Variants in ELAVL1 observed in about 807,000 individuals in gnomAD.
ELAVL1 encodes the protein ELAV-like protein 1.
ELAVL1 carries 1 observed loss-of-function variant against 28.4 expected under a neutral mutation model. That is an observed-to-expected ratio of 0.04 (90% confidence interval 0.01 to 0.17). The LOEUF is 0.17. ELAVL1 is among the 10% of genes least tolerant of loss of function. ELAVL1 has a pLI of 1.00. For synonymous variants in ELAVL1, 174 were observed against 183.5 expected (o/e 0.95, Z 0.42); for missense variants, 157 against 447.2 (o/e 0.35, Z 5.85).
In ELAVL1 at chr19:7,963,168, T is replaced by C. The variant is rs1253288508; in HGVS notation, c.*315A>G. On this transcript the variant is annotated 3_prime_UTR_variant, in exon 6 of 6. Coordinates refer to ENST00000407627, the MANE Select transcript of ELAVL1 (RefSeq NM_001419.3). The surrounding 1 kb of genome is among the most constrained non-coding windows in gnomAD (Gnocchi z 4.5). ...GAATGAAACGCGTGTTAGACAGTCT[T>C]AGAGGTTAAAGCATGCTTCAGGTTC... is the stretch of plus-strand genomic sequence containing the variant. 9.4e-6 allele frequency: 3 copies of C among 319,290 alleles called. No individual in the cohort carries two copies. The highest frequency in any genetic ancestry group is 1.8e-5 in the Non-Finnish European group (3 of 170,602). 19.8% of individuals were successfully genotyped at this position (319,290 alleles called of 1,614,324 possible).
Position 7,958,760 on chromosome 19 carries a change from C to T in ELAVL1, c.*4723G>A, listed in dbSNP as rs1599659867. The stretch of plus-strand genomic sequence containing the variant: ...CTTCAAAAATACGATTTTTTGAGAG[C>T]TTTGGAAACTGAATTAAAATGTCTA... On this transcript the variant is annotated 3_prime_UTR_variant, in exon 6 of 6. Transcript: ENST00000407627. 6.6e-6 allele frequency: 1 copy of T among 152,606 alleles called. No individual in the cohort carries two copies. The highest frequency in any genetic ancestry group is 2.1e-4 in the South Asian group (1 of 4,820). 9.5% of individuals were successfully genotyped at this position (152,606 alleles called of 1,614,324 possible).
chr19:8,002,077 G>A (rs1276592584), intron 1 of ELAVL1: 3 of 1,289,284 alleles, frequency 2.3e-6, no homozygotes, highest in Admixed American at 4.6e-5. Flanking sequence ...CAAGCCCTCT[G>A]CCCAGTGGAC....
At chr19:7,975,326 T>G (rs189440818) in intron 3 of ELAVL1, among the ~76,000 whole-genome samples, 4 of 152,320 alleles carry the variant, frequency 2.6e-5, no homozygotes, top group African/African-American at 9.6e-5. Context: ...TGACTGGACC[T>G]ACTGCCGTCC....
At chr19:8,003,488 C>T (rs1304780737) in intron 1 of ELAVL1, among the ~76,000 whole-genome samples, 1 of 150,968 alleles carries the variant, frequency 6.6e-6, no homozygotes, top group East Asian at 1.9e-4. Flanking sequence ...GTCAGGAGAT[C>T]GAGACCATCC....
intron 1 of ELAVL1, among the ~76,000 whole-genome samples, chr19:7,993,018 C>T (rs928889580): frequency 2.6e-5 from 4 of 152,168 alleles, no homozygotes; most frequent in African/African-American, 9.7e-5. Flanking sequence ...ATCCTTCCAT[C>T]TCACCCTCCC....
At chr19:7,976,867 T>A (rs1424398544) in intron 3 of ELAVL1, among the ~76,000 whole-genome samples, 3 of 151,918 alleles carry the variant, frequency 2.0e-5, no homozygotes, top group Non-Finnish European at 2.9e-5. Context: ...TTAGTTTTTT[T>A]TGTAGAGACA....
intron 2 of ELAVL1, among the ~76,000 whole-genome samples, chr19:7,989,112 C>A (rs1052930114): frequency 5.3e-5 from 8 of 152,102 alleles, no homozygotes; most frequent in African/African-American, 1.9e-4. Flanking sequence ...CCTGCCTGGC[C>A]GGGTGAGAGG....
Position 7,959,722 on chromosome 19 carries a change from G to A in ELAVL1, c.*3761C>T, listed in dbSNP as rs1984753167. ...CTACTGCCATCATTACACGCCAATT[G>A]CCAATGCCACTTAAAAGAAAGCACT... On this transcript the variant is annotated 3_prime_UTR_variant, in exon 6 of 6. Transcript: ENST00000407627. The A allele has an allele frequency of 1.3e-5, 2 of 152,288 alleles. No individual in the cohort carries two copies. Among genetic ancestry groups the A allele is most frequent in the South Asian group, 4.1e-4 (2 of 4,820 alleles). The allele number at this position is 152,288 out of a possible 1,614,324, so 9.4% of individuals were successfully genotyped here.
rs1275594810 is a variant in ELAVL1, at chr19:7,959,609, T to C, written c.*3874A>G. 2 of 152,146 alleles carry C rather than the reference T, an allele frequency of 1.3e-5. No homozygotes were observed. Among genetic ancestry groups the C allele is most frequent in the East Asian group, 1.9e-4 (1 of 5,204 alleles). The allele number at this position is 152,146 out of a possible 1,614,324, so 9.4% of individuals were successfully genotyped here. On this transcript the variant is annotated 3_prime_UTR_variant, in exon 6 of 6. Coordinates refer to ENST00000407627, the MANE Select transcript of ELAVL1 (RefSeq NM_001419.3). ...CCTGAACGATGTCACTGAAAGGTTG[T>C]AGAAAAATAGGATCCAGCCATTAGA...
chr19:8,003,826 T>C (rs2081077798), intron 1 of ELAVL1, among the ~76,000 whole-genome samples: 1 of 152,174 alleles, frequency 6.6e-6, no homozygotes, highest in Non-Finnish European at 1.5e-5. Flanking sequence ...TTCGTGTATC[T>C]CAACCTCTTT....
At chr19:7,973,051 G>C (rs1985165315) in intron 4 of ELAVL1, 1 of 151,166 alleles carries the variant, frequency 6.6e-6, no homozygotes, top group Non-Finnish European at 1.5e-5. Context: ...GACCTCAGGT[G>C]ATCCGTCCAC....
chr19:7,969,298 GC>G (rs1339630892), intron 4 of ELAVL1, among the ~76,000 whole-genome samples: 3 of 152,212 alleles, frequency 2.0e-5, no homozygotes, highest in Non-Finnish European at 2.9e-5. Flanking sequence ...AACGACCAAA[GC>G]CAGGCAGCCC....
At chr19:7,987,303 A>G (rs1056425166) in intron 2 of ELAVL1, among the ~76,000 whole-genome samples, 27 of 152,178 alleles carry the variant, frequency 1.8e-4, no homozygotes, top group Non-Finnish European at 3.2e-4. Context: ...TGGCTCCGGC[A>G]TGACAGGTCA....
intron 3 of ELAVL1, among the ~76,000 whole-genome samples, chr19:7,978,818 G>A (rs1985375193): frequency 6.6e-6 from 1 of 152,166 alleles, no homozygotes; most frequent in Non-Finnish European, 1.5e-5. Flanking sequence ...AAATGTGCTG[G>A]GGCTGTGCTA....
At chr19:7,996,634 C>T (rs1025964924) in intron 1 of ELAVL1, among the ~76,000 whole-genome samples, 2 of 151,744 alleles carry the variant, frequency 1.3e-5, no homozygotes, top group African/African-American at 4.8e-5. Context: ...GGTGAAACCC[C>T]ATCTCTACAA....
Position 7,962,608 on chromosome 19 carries a change from C to T in ELAVL1, c.*875G>A, listed in dbSNP as rs1184562873. 2 of 152,574 alleles carry T rather than the reference C, an allele frequency of 1.3e-5. No individual in the cohort carries two copies. The highest frequency in any genetic ancestry group is 2.4e-5 in the African/African-American group (1 of 41,444). The allele number at this position is 152,574 out of a possible 1,614,324, so 9.5% of individuals were successfully genotyped here. On this transcript the variant is annotated 3_prime_UTR_variant, in exon 6 of 6. Coordinates refer to ENST00000407627, the MANE Select transcript of ELAVL1 (RefSeq NM_001419.3). Reference sequence around the variant, plus strand: ...TTTCTGTGTTATTAAAATACAGAGCCATTTTACGCCTCCAAGCTATGTTAA... The same window carrying T: ...TTTCTGTGTTATTAAAATACAGAGCTATTTTACGCCTCCAAGCTATGTTAA...
intron 1 of ELAVL1, among the ~76,000 whole-genome samples, chr19:7,993,620 T>A (rs1331347227): frequency 6.6e-6 from 1 of 152,116 alleles, no homozygotes; most frequent in Non-Finnish European, 1.5e-5. Flanking sequence ...CCCGCCCTGC[T>A]GAAAGTGCGC....
In ELAVL1 at chr19:7,963,842, A is replaced by G; in HGVS notation, c.657-35T>C. The G allele has an allele frequency of 6.3e-7, 1 of 1,596,802 alleles. No homozygotes were observed. Among genetic ancestry groups the G allele is most frequent in the South Asian group, 1.1e-5 (1 of 89,134 alleles). On this transcript the variant is annotated intron_variant, in intron 5 of 5. Transcript: ENST00000407627. The surrounding 1 kb of genome is among the most constrained non-coding windows in gnomAD (Gnocchi z 4.5). ...AGAGAGCAAGCGTCAGGCCACGGTC[A>G]GCGCAGGCGGCCTGGGGATGGGGCA...
rs942352545 is a variant in ELAVL1 at position 7,976,111 on chromosome 19, A to AT, written c.277-2234dup. Among the ~76,000 whole-genome samples the AT allele has an allele frequency of 3.7e-4, 55 of 146,808 alleles. No individual in the cohort carries two copies. The East Asian group carries it at 7.2e-3, about 19-fold the overall frequency. ...CTGTCTTTAAAAAAAAAAAAAAAGT[A>AT]TTTTTTTTTGGCTGGGCGCAGTGGC... On this transcript the variant is annotated intron_variant, in intron 3 of 5. Coordinates refer to ENST00000407627, the MANE Select transcript of ELAVL1 (RefSeq NM_001419.3).
Sources: allele counts gnomAD v4.1 joint callset (sites outside exome capture counted in the v4.1 genomes callset), GRCh38; gene constraint gnomAD v4.1.1; non-coding constraint Gnocchi (gnomAD v3.1); transcripts MANE v1.5; gene names NCBI Gene and HGNC (gene_info 2026-07-23, HGNC 2026-07-21).